SLC44A1: variants seen among roughly 807,000 people sequenced by gnomAD.
SLC44A1 encodes solute carrier family 44 member 1, also known as choline transporter-like protein 1.
SLC44A1 carries 26 observed loss-of-function variants against 79.3 expected under a neutral mutation model. The ratio of observed to expected loss-of-function variants is 0.33; its 90% CI spans 0.24 to 0.46. The LOEUF (loss-of-function observed/expected upper bound fraction) is 0.46. Among genes scored for constraint, SLC44A1 ranks in the 20% least tolerant of loss-of-function variants. The probability of loss-of-function intolerance (pLI) is 1.00; values close to 1 mark genes in which losing one functional copy is unlikely to be tolerated. For missense variants in SLC44A1, 688 were observed against 798.1 expected (o/e 0.86, Z 1.66); for synonymous variants, 263 against 286.2 (o/e 0.92, Z 0.82).
intron 12 of SLC44A1, among the ~76,000 whole-genome samples, chr9:105,371,674 G>A (rs936697297): frequency 7.1e-6 from 1 of 141,596 alleles, no homozygotes; most frequent in Non-Finnish European, 1.5e-5. Context: ...AGCTGAGATC[G>A]TGCCTCTGCA....
chr9:105,339,879 TA>T (rs1827033540), intron 4 of SLC44A1, among the ~76,000 whole-genome samples: 2 of 152,142 alleles, frequency 1.3e-5, no homozygotes, highest in Admixed American at 1.3e-4. Flanking sequence ...TGCAATGGAA[TA>T]TTATTTTAGC....
At chr9:105,319,249 A>G (rs539192614) in intron 3 of SLC44A1, among the ~76,000 whole-genome samples, 23 of 152,268 alleles carry the variant, frequency 1.5e-4, no homozygotes. Flanking sequence ...TTTGCCAGGA[A>G]GACTTGCAGA....
intron 15 of SLC44A1, among the ~76,000 whole-genome samples, chr9:105,426,572 A>G (rs1829325479): frequency 6.6e-6 from 1 of 152,184 alleles, no homozygotes; most frequent in South Asian, 2.1e-4. Flanking sequence ...GTATTTATAT[A>G]CATTACCTCA....
In SLC44A1 at chr9:105,315,271, G is replaced by GTT. The variant is rs72336954; in HGVS notation, c.269+5420_269+5421dup. 6.1e-4 allele frequency among the ~76,000 whole-genome samples: 80 copies of GTT among 130,276 alleles called. 1 individual carries two copies. The East Asian group carries it at 0.011, about 17-fold the overall frequency. 85.5% of individuals were successfully genotyped at this position (130,276 alleles called of 152,430 possible). ...GATGATGAACTGCGTTTTTTTGTTT[G>GTT]TTTTTTTTTTTTTTTTACCATTTGT... On this transcript the variant is annotated intron_variant, in intron 3 of 15. Coordinates refer to ENST00000374720, the MANE Select transcript of SLC44A1 (RefSeq NM_080546.5).
In SLC44A1 at chr9:105,396,495, C is replaced by T; in HGVS notation, c.*7439C>T. ...ACTCCTTGAGTTTAGAATAGAGCTC[C>T]TAGAATAATAAGGCGGCCAAATTTA... On this transcript the variant is annotated 3_prime_UTR_variant, in exon 16 of 16. Coordinates refer to ENST00000374720, the MANE Select transcript of SLC44A1 (RefSeq NM_080546.5). 1 of 985,382 alleles carries T rather than the reference C, an allele frequency of 1.0e-6. No homozygotes were observed. Among genetic ancestry groups the T allele is most frequent in the Non-Finnish European group, 1.2e-6 (1 of 829,904 alleles). The allele number at this position is 985,382 out of a possible 1,614,324, so 61.0% of individuals were successfully genotyped here.
At chr9:105,354,841 T>G (rs1237146825) in intron 5 of SLC44A1, among the ~76,000 whole-genome samples, 1 of 152,242 alleles carries the variant, frequency 6.6e-6, no homozygotes. Context: ...AGAAGCATTT[T>G]TCGAGGAAGG....
intron 15 of SLC44A1, among the ~76,000 whole-genome samples, chr9:105,426,390 T>C (rs1195738074): frequency 6.6e-6 from 1 of 152,238 alleles, no homozygotes; most frequent in Non-Finnish European, 1.5e-5. Context: ...TTACAGTTCT[T>C]GTTTTAAAAT....
At chr9:105,245,074 C>G (rs1829398928) in intron 1 of SLC44A1, among the ~76,000 whole-genome samples, 170 bp downstream of exon 1, 1 of 152,066 alleles carries the variant, frequency 6.6e-6, no homozygotes, top group South Asian at 2.1e-4. Flanking sequence ...CCGCCGATGC[C>G]CGTGCGCTGG....
At chr9:105,347,909 G>C (rs1371435360) in intron 4 of SLC44A1, among the ~76,000 whole-genome samples, 1 of 152,040 alleles carries the variant, frequency 6.6e-6, no homozygotes, top group Admixed American at 6.6e-5. Flanking sequence ...CTGAGCACAG[G>C]CTTTGTAGTG....
Position 105,389,159 on chromosome 9 carries a change from G to A in SLC44A1, c.*103G>A, listed in dbSNP as rs1370765198. On this transcript the variant is annotated 3_prime_UTR_variant, in exon 16 of 16. Coordinates refer to ENST00000374720, the MANE Select transcript of SLC44A1 (RefSeq NM_080546.5). ...TGTGTGTATATATGTATATGTATGT[G>A]TGTATATATGTATATGTATATACAC... is the stretch of plus-strand genomic sequence containing the variant. 2 of 1,513,886 alleles carry A rather than the reference G, an allele frequency of 1.3e-6. No individual in the cohort carries two copies. Among genetic ancestry groups the A allele is most frequent in the Non-Finnish European group, 1.8e-6 (2 of 1,114,054 alleles). The allele number at this position is 1,513,886 out of a possible 1,614,324, so 93.8% of individuals were successfully genotyped here.
intron 1 of SLC44A1, among the ~76,000 whole-genome samples, chr9:105,289,120 A>T (rs941344055): frequency 6.6e-6 from 1 of 152,208 alleles, no homozygotes; most frequent in Non-Finnish European, 1.5e-5. Context: ...GGAAGCGGTA[A>T]GGCCGTCTGT....
At chr9:105,339,324 G>A (rs1027624006) in intron 4 of SLC44A1, among the ~76,000 whole-genome samples, 3 of 152,100 alleles carry the variant, frequency 2.0e-5, no homozygotes, top group African/African-American at 7.2e-5. Context: ...AAACAGTGCA[G>A]CTGCTATGGA....
At chr9:105,246,373 CT>C (rs11284181) in intron 1 of SLC44A1, among the ~76,000 whole-genome samples, 26,018 of 118,756 alleles carry the variant, frequency 0.22, 3,057 homozygotes, top group African/African-American at 0.39. Flanking sequence ...TTCCTCCAGT[CT>C]TTTTTTTTTT....
chr9:105,269,220 T>G (rs1830026764), intron 1 of SLC44A1, among the ~76,000 whole-genome samples: 1 of 152,248 alleles, frequency 6.6e-6, no homozygotes, highest in African/African-American at 2.4e-5. Flanking sequence ...CTGGCTGGCC[T>G]GTTTGCTTGA....
At chr9:105,332,249 A>C (rs567865709) in intron 3 of SLC44A1, among the ~76,000 whole-genome samples, 1 of 150,856 alleles carries the variant, frequency 6.6e-6, no homozygotes, top group South Asian at 2.1e-4. Flanking sequence ...CCTCCCAAGT[A>C]GCTGGAATTA....
At chr9:105,413,434 T>G (rs1035681223) in intron 15 of SLC44A1, among the ~76,000 whole-genome samples, 9 of 152,206 alleles carry the variant, frequency 5.9e-5, no homozygotes, top group Admixed American at 5.9e-4. Flanking sequence ...GTTTTCCCCT[T>G]CTCTGGCCTG....
intron 6 of SLC44A1, among the ~76,000 whole-genome samples, chr9:105,357,721 C>T (rs1720818530): frequency 6.6e-6 from 1 of 152,160 alleles, no homozygotes; most frequent in African/African-American, 2.4e-5. Context: ...GGAAGGTCTC[C>T]TCACCTGGGA....
intron 3 of SLC44A1, among the ~76,000 whole-genome samples, chr9:105,333,458 G>A (rs1376785500): frequency 6.6e-6 from 1 of 152,134 alleles, no homozygotes; most frequent in Non-Finnish European, 1.5e-5. Context: ...TACGGTGTCT[G>A]ATAAATAGTA....
At position 105,390,430 on chromosome 9, in the gene SLC44A1, C is replaced by CAAAAAAAAAAAAAAA. The variant is rs34048538; in HGVS notation, c.*1381_*1395dup. 2.9e-6 allele frequency: 2 copies of CAAAAAAAAAAAAAAA among 688,816 alleles called. 1 individual carries two copies. Among genetic ancestry groups the CAAAAAAAAAAAAAAA allele is most frequent in the Non-Finnish European group, 3.4e-6 (2 of 594,728 alleles). The allele number at this position is 688,816 out of a possible 1,614,324, so 42.7% of individuals were successfully genotyped here. Reference sequence around the variant, plus strand: ...TATTGCACTAAATACAGGCTCTGTACAAAAAAAAAAAAAAAAAAAAAGCCT... The same window carrying CAAAAAAAAAAAAAAA: ...TATTGCACTAAATACAGGCTCTGTACAAAAAAAAAAAAAAAAAAAAAAAAAAAAAAAAAAAAGCCT... On this transcript the variant is annotated 3_prime_UTR_variant, in exon 16 of 16. Transcript: ENST00000374720.
Sources: gnomAD v4.1 joint callset for allele counts (sites outside exome capture counted in the v4.1 genomes callset) on GRCh38, gnomAD v4.1.1 for gene constraint, MANE v1.5 for transcripts, NCBI Gene and HGNC (gene_info 2026-07-23, HGNC 2026-07-21) for gene names.